The following TTC13 variants were observed in gnomAD, a reference collection of about 807,000 sequenced individuals.
TTC13 encodes the protein tetratricopeptide repeat domain 13.
A neutral mutation model predicts 120.0 loss-of-function variants in TTC13; 62 were observed. That is an observed-to-expected ratio of 0.52 (90% CI 0.42 to 0.64). TTC13 has a LOEUF of 0.64. Among genes scored for constraint, TTC13 ranks in the 30% least tolerant of loss-of-function variants. The probability of loss-of-function intolerance (pLI) is 0.00; values close to 1 mark genes in which losing one functional copy is unlikely to be tolerated. For synonymous variants in TTC13, 384 were observed against 393.5 expected, an observed-to-expected ratio of 0.98 and a Z score of 0.28; for missense variants, 824 against 1,050.2, an observed-to-expected ratio of 0.78 and a Z score of 2.98.
intron 3 of TTC13, among the ~76,000 whole-genome samples, chr1:230,957,233 T>A (rs973460893): frequency 2.0e-5 from 3 of 152,216 alleles, no homozygotes; most frequent in African/African-American, 7.2e-5. Context: ...GCCCAAGAGT[T>A]TGATACCAGC....
At chr1:230,971,199 A>G (rs1351729873) in intron 1 of TTC13, among the ~76,000 whole-genome samples, 1 of 148,042 alleles carries the variant, frequency 6.8e-6, no homozygotes, top group East Asian at 2.0e-4. Context: ...CAAAAAAATT[A>G]GCCGGGCGTG....
At chr1:230,927,939 A>C (rs1300345045) in intron 12 of TTC13, among the ~76,000 whole-genome samples, 2 of 152,064 alleles carry the variant, frequency 1.3e-5, no homozygotes, top group Non-Finnish European at 2.9e-5. Context: ...AACCAGTCCC[A>C]CTCTGATCTC....
chr1:230,952,096 C>A (rs1354782296), intron 4 of TTC13, among the ~76,000 whole-genome samples: 1 of 152,162 alleles, frequency 6.6e-6, no homozygotes, highest in African/African-American at 2.4e-5. Context: ...AACATCGAAT[C>A]TTCGTATTTT....
intron 4 of TTC13, among the ~76,000 whole-genome samples, 160 bp from the exon 5 acceptor site, chr1:230,945,614 T>C (rs1032676750): frequency 1.3e-5 from 2 of 152,248 alleles, no homozygotes; most frequent in South Asian, 4.1e-4. Flanking sequence ...GAAAAGTCTA[T>C]GTTCTTAAAG....
At chr1:230,950,428 C>CAA (rs139118120) in intron 4 of TTC13, among the ~76,000 whole-genome samples, 9 of 147,260 alleles carry the variant, frequency 6.1e-5, no homozygotes, top group African/African-American at 1.2e-4. Context: ...TCTCAATTCG[C>CAA]AAAAAAAAAA....
At chr1:230,921,321 T>C (rs547488123) in intron 16 of TTC13, 100 bp downstream of exon 16, 2 of 673,386 alleles carry the variant, frequency 3.0e-6, no homozygotes, top group African/African-American at 3.8e-5. Flanking sequence ...AGACCTTGTT[T>C]AGCCCGTCAA....
intron 16 of TTC13, 46 bp downstream of exon 16, chr1:230,921,375 A>G (rs1279088673): frequency 1.8e-6 from 2 of 1,110,806 alleles, no homozygotes; most frequent in East Asian, 2.5e-5. Context: ...AATATAAAAC[A>G]CATGAAATCA....
intron 18 of TTC13, among the ~76,000 whole-genome samples, 161 bp downstream of exon 18, chr1:230,916,032 A>C (rs1045594570): frequency 6.6e-6 from 1 of 152,122 alleles, no homozygotes; most frequent in African/African-American, 2.4e-5. Flanking sequence ...TAGATGTCAC[A>C]TTTTTTTAAA....
chr1:230,938,690 CT>C (rs1202617097), intron 8 of TTC13, among the ~76,000 whole-genome samples: 1 of 152,156 alleles, frequency 6.6e-6, no homozygotes, highest in African/African-American at 2.4e-5. Context: ...CTAGTCAGTC[CT>C]TCTGTCCCTC....
chr1:230,970,930 T>C (rs1442591673), intron 1 of TTC13, among the ~76,000 whole-genome samples: 1 of 152,196 alleles, frequency 6.6e-6, no homozygotes, highest in Non-Finnish European at 1.5e-5. Context: ...ACCCCAGGTA[T>C]AGGGTAAACC....
At chr1:230,972,242 T>TGAGACTATCGGC (rs1001926331) in intron 1 of TTC13, among the ~76,000 whole-genome samples, 32 of 152,368 alleles carry the variant, frequency 2.1e-4, no homozygotes, top group Non-Finnish European at 4.1e-4. Flanking sequence ...TAGCATGGAA[T>TGAGACTATCGGC]GAGACTATCG....
chr1:230,936,170 C>T (rs763382347), intron 8 of TTC13: 51 of 456,008 alleles, frequency 1.1e-4, no homozygotes, highest in South Asian at 5.0e-4. Flanking sequence ...CATGCTTGGA[C>T]GCCACAGTTC....
chr1:230,944,716 T>C lies in TTC13; in HGVS notation c.579+673A>G, dbSNP rs891804886. On this transcript the variant is annotated intron_variant, in intron 5 of 22. Coordinates refer to ENST00000366661, the MANE Select transcript of TTC13 (RefSeq NM_024525.5). The surrounding 1 kb of genome is among the most constrained non-coding windows in gnomAD (Gnocchi z 4.0). ...TATTTTAATGTAAAAGTTGCAAAAG[T>C]GGCATTTCTCTCAAAGCACAATTTC... 1.3e-5 allele frequency among the ~76,000 whole-genome samples: 2 copies of C among 152,130 alleles called. No homozygotes were observed. The highest frequency in any genetic ancestry group is 2.9e-5 in the Non-Finnish European group (2 of 68,030).
chr1:230,911,861 G>A (rs1671540498), intron 19 of TTC13, among the ~76,000 whole-genome samples: 2 of 152,114 alleles, frequency 1.3e-5, no homozygotes, highest in Non-Finnish European at 2.9e-5. Flanking sequence ...AATTTTAAAA[G>A]GCATTTATTA....
At chr1:230,922,667 C>T (rs1223956853) in intron 15 of TTC13, among the ~76,000 whole-genome samples, 3 of 152,130 alleles carry the variant, frequency 2.0e-5, no homozygotes, top group African/African-American at 7.2e-5. Flanking sequence ...AGTTAATCAC[C>T]CCACCTCTCT....
At chr1:230,927,154 T>C (rs1441004421) in intron 12 of TTC13, among the ~76,000 whole-genome samples, 1 of 152,238 alleles carries the variant, frequency 6.6e-6, no homozygotes, top group African/African-American at 2.4e-5. Context: ...TTTGGGTTGA[T>C]TTCCAGTGTT....
At chr1:230,929,415 A>C (rs1234843710) in intron 11 of TTC13, among the ~76,000 whole-genome samples, 18 of 150,746 alleles carry the variant, frequency 1.2e-4, no homozygotes, top group Admixed American at 1.2e-3. Flanking sequence ...CCTGGGTTCA[A>C]GCCATTCTCC....
Position 230,919,907 on chromosome 1 carries a change from A to G in TTC13, c.1983+603T>C, listed in dbSNP as rs563105047. Among the ~76,000 whole-genome samples the G allele has an allele frequency of 2.0e-5, 3 of 152,236 alleles. No individual in the cohort carries two copies. In the East Asian group the frequency reaches 5.8e-4, roughly 29 times the overall value. On this transcript the variant is annotated intron_variant, in intron 17 of 22. Transcript: ENST00000366661. Reference sequence around the variant, plus strand: ...TCTGCTGAGCCTCTCATGGTCTTTTATTGCATGTTCATGACCAAGGTCTTA... The same window carrying G: ...TCTGCTGAGCCTCTCATGGTCTTTTGTTGCATGTTCATGACCAAGGTCTTA...
chr1:230,927,264 A>T (rs1425949260), intron 12 of TTC13, among the ~76,000 whole-genome samples: 1 of 152,194 alleles, frequency 6.6e-6, no homozygotes, highest in African/African-American at 2.4e-5. Context: ...ACAGAATCTT[A>T]TATCAAGTAT....
Sources: allele counts gnomAD v4.1 joint callset (sites outside exome capture counted in the v4.1 genomes callset), GRCh38; gene constraint gnomAD v4.1.1; non-coding constraint Gnocchi (gnomAD v3.1); transcripts MANE v1.5; gene names NCBI Gene and HGNC (gene_info 2026-07-23, HGNC 2026-07-21).